TENM1: variants seen among roughly 807,000 people sequenced by gnomAD.
TENM1 encodes teneurin-1.
TENM1 carries 35 observed loss-of-function variants against 174.8 expected under a neutral mutation model. The observed-to-expected ratio is 0.20, with a 90% confidence interval of 0.15 to 0.27. TENM1 has a LOEUF of 0.27. TENM1 is among the 10% of genes least tolerant of loss of function. The probability of loss-of-function intolerance (pLI) is 1.00; values close to 1 mark genes in which losing one functional copy is unlikely to be tolerated. For missense variants in TENM1, 1,633 were observed against 2,130.1 expected (o/e 0.77, Z 4.59); for synonymous variants, 781 against 798.7 (o/e 0.98, Z 0.37).
intron 27 of TENM1, among the ~76,000 whole-genome samples, chrX:124,399,521 T>C (rs915224818): frequency 8.9e-6 from 1 of 112,405 alleles, no homozygotes; most frequent in African/African-American, 3.2e-5. Flanking sequence ...TTGCCCTTGC[T>C]TAAGTACTTT....
At position 124,663,805 on chromosome X, in the gene TENM1, C is replaced by A. The variant is rs73543969; in HGVS notation, c.1168+7878G>T. The stretch of plus-strand genomic sequence containing the variant: ...GGATGAAAATGAAACAAGAATGAAA[C>A]ACTAAACATATATGACCAAGGACAT... On this transcript the variant is annotated intron_variant, in intron 6 of 31. Transcript: ENST00000422452. 9.0e-3 allele frequency among the ~76,000 whole-genome samples: 944 copies of A among 104,847 alleles called. 10 individuals carry two copies. Among genetic ancestry groups the A allele is most frequent in the African/African-American group, 0.032 (906 of 28,512 alleles). 91.0% of individuals were successfully genotyped at this position (104,847 alleles called of 115,157 possible). A position where few individuals can be genotyped will look rare whatever the true frequency, so the allele number is the denominator to read the frequency against.
At chrX:124,622,749 C>A (rs2050546155) in intron 11 of TENM1, among the ~76,000 whole-genome samples, 1 of 111,269 alleles carries the variant, frequency 9.0e-6, no homozygotes, top group African/African-American at 3.3e-5. Flanking sequence ...TATTGCTTCA[C>A]TCATTTTCTA....
At chrX:124,920,382 ATTTC>A (rs199717127) in intron 1 of TENM1, among the ~76,000 whole-genome samples, 1,629 of 111,375 alleles carry the variant, frequency 0.015, 18 homozygotes, top group African/African-American at 0.051. Context: ...TTTGCAAGGA[ATTTC>A]TTTGTCTGAG....
the TENM1 span, among the ~76,000 whole-genome samples, chrX:125,118,944 T>A: frequency 9.0e-6 from 1 of 111,512 alleles, no homozygotes; most frequent in Non-Finnish European, 1.9e-5. Context: ...GAGAATGGAC[T>A]GGGAAGAGGC....
intron 11 of TENM1, among the ~76,000 whole-genome samples, chrX:124,629,945 A>G (rs1267399231): frequency 8.9e-6 from 1 of 112,109 alleles, no homozygotes; most frequent in African/African-American, 3.2e-5. Context: ...TGTTTTTCAT[A>G]CTAACTACGT....
At chrX:125,124,524 G>A in the TENM1 span, among the ~76,000 whole-genome samples, 2 of 111,672 alleles carry the variant, frequency 1.8e-5, no homozygotes, top group Non-Finnish European at 3.8e-5. Context: ...GACCAAATGC[G>A]ACTAGGAAGC....
intron 3 of TENM1, among the ~76,000 whole-genome samples, chrX:124,773,543 G>A (rs1176905091): frequency 1.8e-5 from 2 of 111,383 alleles, no homozygotes; most frequent in Non-Finnish European, 3.8e-5. Flanking sequence ...CAAAACCAAG[G>A]TGGGAATTTT....
chrX:124,955,865 G>C (rs1159161468), intron 1 of TENM1, among the ~76,000 whole-genome samples: 2 of 109,486 alleles, frequency 1.8e-5, no homozygotes, highest in African/African-American at 6.7e-5. Context: ...ATTTACAGCA[G>C]TCTATCTGTC....
intron 16 of TENM1, among the ~76,000 whole-genome samples, chrX:124,525,247 G>T (rs2047947516): frequency 8.9e-6 from 1 of 112,289 alleles, no homozygotes; most frequent in African/African-American, 3.2e-5. Flanking sequence ...CCAAAAAGAG[G>T]ATTTGAAGAA....
chrX:124,909,213 A>G (rs2057798198), intron 1 of TENM1, among the ~76,000 whole-genome samples: 1 of 112,468 alleles, frequency 8.9e-6, no homozygotes, highest in African/African-American at 3.2e-5. Flanking sequence ...GATTAAATAA[A>G]TTGTCCAAAG....
chrX:124,557,458 CT>C (rs67506211), intron 14 of TENM1, among the ~76,000 whole-genome samples: 13 of 104,949 alleles, frequency 1.2e-4, no homozygotes, highest in African/African-American at 1.7e-4. Context: ...TCTATCACCA[CT>C]TTTTTTTTTG....
intron 3 of TENM1, among the ~76,000 whole-genome samples, chrX:124,844,194 T>G (rs1416486357): frequency 8.9e-6 from 1 of 112,117 alleles, no homozygotes; most frequent in East Asian, 2.8e-4. Flanking sequence ...GCACTAGATC[T>G]TTTTTAGCCA....
chrX:124,380,861 C>T lies in TENM1; in HGVS notation c.7874G>A (p.Arg2625Gln), dbSNP rs758694053. 3.3e-6 allele frequency: 4 copies of T among 1,209,450 alleles called. No individual in the cohort carries two copies. The African/African-American group carries it at 5.3e-5, about 16-fold the overall frequency. Residue 2625 changes from arginine (R) to glutamine (Q), a missense_variant, in exon 32 of 32, where the codon CGG becomes CAG. Physicochemically the swap from Arg to Gln is conservative, Grantham distance 43. Transcript: ENST00000422452. ...ATGCTGGAGCTGAATATCTGCAAAC[C>T]GTCTAGTCCTCCCATTCAACACAGA...
chrX:124,461,796 G>T (rs5958491), intron 22 of TENM1, among the ~76,000 whole-genome samples: 35,978 of 109,638 alleles, frequency 0.33, 4,897 homozygotes, highest in East Asian at 0.65. Flanking sequence ...TAAGAACTAG[G>T]GTTTGATAAA....
intron 1 of TENM1, among the ~76,000 whole-genome samples, chrX:124,900,921 A>G (rs1453599988): frequency 9.2e-6 from 1 of 108,765 alleles, no homozygotes; most frequent in African/African-American, 3.4e-5. Context: ...CCTCCCAAGT[A>G]GCTGGGATTA....
At chrX:124,477,971 A>C (rs2046769149) in intron 22 of TENM1, among the ~76,000 whole-genome samples, 1 of 105,378 alleles carries the variant, frequency 9.5e-6, no homozygotes, top group African/African-American at 4.1e-5. Flanking sequence ...AATGTGACTA[A>C]TACTATTTAC....
rs774292879 is a variant in TENM1, at chrX:124,936,928, C to T, written c.217+26609G>A. ...GGGCGTGGTGGCACATGCTTGTAATCCCAGCTACTTGGGAGGCTGAGGAAG... is the reference window on the plus strand; with the variant it reads ...GGGCGTGGTGGCACATGCTTGTAATTCCAGCTACTTGGGAGGCTGAGGAAG... On this transcript the variant is annotated intron_variant, in intron 1 of 31. Transcript: ENST00000422452. Among the ~76,000 whole-genome samples the T allele has an allele frequency of 1.1e-4, 12 of 110,378 alleles. No homozygotes were observed. The East Asian group carries it at 2.3e-3, about 21-fold the overall frequency.
At chrX:125,058,013 G>A in the TENM1 span, among the ~76,000 whole-genome samples, 3 of 111,302 alleles carry the variant, frequency 2.7e-5, no homozygotes, top group African/African-American at 9.8e-5. Flanking sequence ...GCAACAAAAT[G>A]AACACTTTAA....
At position 124,930,120 on chromosome X, in the gene TENM1, C is replaced by T. The variant is rs138227971; in HGVS notation, c.217+33417G>A. ...TCTTCCCCGCTGCCACCCCATACCC[C>T]GCACAGACATGCACAGACACACGCG... On this transcript the variant is annotated intron_variant, in intron 1 of 31. Coordinates refer to ENST00000422452, the Ensembl canonical transcript of TENM1. 1.5e-4 allele frequency among the ~76,000 whole-genome samples: 17 copies of T among 110,444 alleles called. No homozygotes were observed. In the East Asian group the frequency reaches 4.0e-3, roughly 26 times the overall value.
Sources: gnomAD v4.1 joint callset for allele counts (sites outside exome capture counted in the v4.1 genomes callset) on GRCh38, gnomAD v4.1.1 for gene constraint, MANE v1.5 for transcripts, NCBI Gene and HGNC (gene_info 2026-07-23, HGNC 2026-07-21) for gene names.